The following PCMT1 variants were observed in gnomAD, a reference collection of about 807,000 sequenced individuals.
The protein encoded by PCMT1 is protein-L-isoaspartate (D-aspartate) O-methyltransferase.
In PCMT1, 9 loss-of-function variants were observed where a neutral mutation model predicts 29.2. The observed-to-expected ratio is 0.31, with a 90% CI of 0.19 to 0.54. The LOEUF is 0.54. Ranked by LOEUF, PCMT1 falls within the 20% of genes least tolerant of loss-of-function variation. The pLI, the probability that PCMT1 is intolerant of heterozygous loss-of-function variation, is 0.95. For missense variants in PCMT1, 184 were observed against 282.2 expected, an observed-to-expected ratio of 0.65 and a Z score of 2.49; for synonymous variants, 98 against 97.5, an observed-to-expected ratio of 1.00 and a Z score of -0.03.
chr6:149,782,235 A>G (rs1787843958), intron 3 of PCMT1, among the ~76,000 whole-genome samples: 1 of 152,182 alleles, frequency 6.6e-6, no homozygotes, highest in Non-Finnish European at 1.5e-5. Flanking sequence ...ATAGGGTAAA[A>G]TATTTTTAAT....
intron 3 of PCMT1, among the ~76,000 whole-genome samples, chr6:149,787,794 AT>A (rs1374232876): frequency 2.7e-5 from 4 of 150,908 alleles, no homozygotes; most frequent in Non-Finnish European, 5.9e-5. Context: ...TTTATCATTT[AT>A]TCTCTCTCCC....
intron 2 of PCMT1, 87 bp downstream of exon 2, chr6:149,771,353 TTATC>T (rs1787314261): frequency 1.4e-6 from 1 of 722,386 alleles, no homozygotes. Context: ...ACACAGATAT[TTATC>T]TATTATTACC....
intron 3 of PCMT1, among the ~76,000 whole-genome samples, chr6:149,782,745 T>C (rs1787864606): frequency 6.6e-6 from 1 of 151,138 alleles, no homozygotes; most frequent in Non-Finnish European, 1.5e-5. Flanking sequence ...TTTGTGAGTC[T>C]ATGGAGACTT....
chr6:149,800,456 G>A (rs1325486081), intron 6 of PCMT1, among the ~76,000 whole-genome samples: 3 of 152,194 alleles, frequency 2.0e-5, no homozygotes, highest in African/African-American at 4.8e-5. Flanking sequence ...GTGACAGAGC[G>A]AGACTCAGTC....
rs1444385369 is a variant in PCMT1 at position 149,763,160 on chromosome 6, C to G, written c.56-8002C>G. On this transcript the variant is annotated intron_variant, in intron 1 of 7. Coordinates refer to ENST00000464889, the MANE Select transcript of PCMT1 (RefSeq NM_001360452.2). ...TGATATATATATCTATGATATATAT[C>G]TATGATATCTATGATATATATCTAT... 8.9e-5 allele frequency among the ~76,000 whole-genome samples: 4 copies of G among 45,078 alleles called. 1 individual carries two copies. The highest frequency in any genetic ancestry group is 1.2e-4 in the Non-Finnish European group (4 of 32,194). 29.6% of individuals were successfully genotyped at this position (45,078 alleles called of 152,430 possible). A position where few individuals can be genotyped will look rare whatever the true frequency, so the allele number is the denominator to read the frequency against.
At position 149,808,173 on chromosome 6, in the gene PCMT1, TAATA is replaced by T. The variant is rs1371606217; in HGVS notation, c.*38-2437_*38-2434del. Among the ~76,000 whole-genome samples, 4 of 152,140 alleles carry T rather than the reference TAATA, an allele frequency of 2.6e-5. No homozygotes were observed. In the East Asian group the frequency reaches 7.7e-4, roughly 29 times the overall value. ...TTAGTATCATAGAGTTAATAAAATC[TAATA>T]AATAATTAAATTATGTATAATTATA... is the stretch of plus-strand genomic sequence containing the variant. On this transcript the variant is annotated intron_variant, in intron 7 of 7. Transcript: ENST00000464889.
At chr6:149,758,250 G>A (rs1265110508) in intron 1 of PCMT1, among the ~76,000 whole-genome samples, 10 of 123,194 alleles carry the variant, frequency 8.1e-5, no homozygotes, top group Non-Finnish European at 1.1e-4. Context: ...TTGCTCTGTC[G>A]TCCAGGCTGG....
In PCMT1 at chr6:149,806,156, G is replaced by A. The variant is rs375474515; in HGVS notation, c.*37+3740G>A. 1.2e-4 allele frequency among the ~76,000 whole-genome samples: 18 copies of A among 152,272 alleles called. No homozygotes were observed. The East Asian group carries it at 2.9e-3, about 24-fold the overall frequency. On this transcript the variant is annotated intron_variant, in intron 7 of 7. Coordinates refer to ENST00000464889, the MANE Select transcript of PCMT1 (RefSeq NM_001360452.2). ...GCATATGCCAACTAGGCCAGGCACTGTACTAGGTGCCAGGAGTCATCAGCT... is the reference window on the plus strand; with the variant it reads ...GCATATGCCAACTAGGCCAGGCACTATACTAGGTGCCAGGAGTCATCAGCT...
At chr6:149,786,370 C>A (rs1259299739) in intron 3 of PCMT1, among the ~76,000 whole-genome samples, 13 of 114,640 alleles carry the variant, frequency 1.1e-4, no homozygotes, top group Non-Finnish European at 1.9e-4. Flanking sequence ...GGGGGGCTGA[C>A]CCCCCCACCT....
chr6:149,797,951 C>G (rs939956318), intron 6 of PCMT1: 2 of 151,932 alleles, frequency 1.3e-5, no homozygotes, highest in Admixed American at 6.6e-5. Context: ...GAATCACTTG[C>G]GCTCAGAAGT....
intron 1 of PCMT1, among the ~76,000 whole-genome samples, chr6:149,762,503 TATATATATATCTATG>T (rs1786783334): frequency 2.4e-5 from 2 of 82,932 alleles, no homozygotes; most frequent in Non-Finnish European, 4.0e-5. Flanking sequence ...ATCTATGATA[TATATATATATCTATG>T]ATATATATAT....
At chr6:149,790,528 T>C (rs1464698927) in intron 4 of PCMT1, among the ~76,000 whole-genome samples, 1 of 151,486 alleles carries the variant, frequency 6.6e-6, no homozygotes, top group Non-Finnish European at 1.5e-5. Flanking sequence ...TTTTTTTTTT[T>C]TTTTCTTCTT....
At chr6:149,773,526 C>T (rs940483562) in intron 3 of PCMT1, among the ~76,000 whole-genome samples, 1 of 152,116 alleles carries the variant, frequency 6.6e-6, no homozygotes, top group African/African-American at 2.4e-5. Context: ...CTACAGGTGC[C>T]CACCACGATG....
intron 3 of PCMT1, among the ~76,000 whole-genome samples, chr6:149,777,754 T>TCAA (rs1787630067): frequency 6.6e-6 from 1 of 152,136 alleles, no homozygotes; most frequent in African/African-American, 2.4e-5. Context: ...GTGTCCTTGA[T>TCAA]CTGTTATCAA....
chr6:149,810,715 C>T lies in PCMT1; in HGVS notation c.*137C>T. 1 of 996,190 alleles carries T rather than the reference C, an allele frequency of 1.0e-6. No homozygotes were observed. The highest frequency in any genetic ancestry group is 1.5e-6 in the Non-Finnish European group (1 of 649,098). 61.7% of individuals were successfully genotyped at this position (996,190 alleles called of 1,614,324 possible). A position where few individuals can be genotyped will look rare whatever the true frequency, so the allele number is the denominator to read the frequency against. On this transcript the variant is annotated 3_prime_UTR_variant, in exon 8 of 8. Transcript: ENST00000464889. ...TTTTTGAAAACCAACACCATCACAG[C>T]TTGTTTTGGACTTTGTTACACTGTT...
chr6:149,769,308 C>CTTTTTTGTTTTTTTTTTTTTT (rs1787215045), intron 1 of PCMT1, among the ~76,000 whole-genome samples: 1 of 71,562 alleles, frequency 1.4e-5, no homozygotes, highest in African/African-American at 8.6e-5. Flanking sequence ...GTGCAGGATT[C>CTTTTTTGTTTTTTTTTTTTTT]TTTTTTTTTT....
intron 7 of PCMT1, among the ~76,000 whole-genome samples, chr6:149,807,666 C>G (rs978447082): frequency 3.3e-5 from 5 of 152,172 alleles, no homozygotes; most frequent in African/African-American, 1.2e-4. Context: ...CCACCACACC[C>G]AGACTATTTT....
chr6:149,767,610 G>A (rs538500865), intron 1 of PCMT1, among the ~76,000 whole-genome samples: 2 of 151,500 alleles, frequency 1.3e-5, no homozygotes, highest in South Asian at 4.2e-4. Context: ...GCGTCACTAC[G>A]TCCAGCTAAT....
At chr6:149,768,438 T>C (rs2115243898) in intron 1 of PCMT1, among the ~76,000 whole-genome samples, 1 of 144,990 alleles carries the variant, frequency 6.9e-6, no homozygotes, top group Non-Finnish European at 1.5e-5. Context: ...GATCTTTTAG[T>C]CTTGAATTTT....
Sources: allele counts gnomAD v4.1 joint callset (sites outside exome capture counted in the v4.1 genomes callset), GRCh38; gene constraint gnomAD v4.1.1; transcripts MANE v1.5; gene names NCBI Gene and HGNC (gene_info 2026-07-23, HGNC 2026-07-21).